CCDC7: variants seen among roughly 807,000 people sequenced by gnomAD.
CCDC7 encodes the protein coiled-coil domain containing 7, also known as coiled-coil domain-containing protein 7.
A neutral mutation model predicts 196.9 loss-of-function variants in CCDC7; 183 were observed. The ratio of observed to expected loss-of-function variants is 0.93; its 90% CI spans 0.82 to 1.05. The LOEUF (loss-of-function observed/expected upper bound fraction) is 1.05. Ranked by LOEUF, CCDC7 falls within the 50% of genes least tolerant of loss-of-function variation. The pLI is 0.00. For synonymous variants in CCDC7, 525 were observed against 484.6 expected (o/e 1.08, Z -1.10); for missense variants, 1,540 against 1,482.2 (o/e 1.04, Z -0.64).
At chr10:32,461,691 ATGTGTGTG>A (rs200853278) in intron 3 of CCDC7, among the ~76,000 whole-genome samples, 5 of 106,458 alleles carry the variant, frequency 4.7e-5, no homozygotes, top group Admixed American at 1.0e-4. Flanking sequence ...CCTTACATAT[ATGTGTGTG>A]TGTGTGTGTG....
chr10:32,675,421 C>T (rs1402492050), intron 21 of CCDC7, among the ~76,000 whole-genome samples: 1 of 151,820 alleles, frequency 6.6e-6, no homozygotes, highest in Non-Finnish European at 1.5e-5. Context: ...TTTATTCCAC[C>T]CCCATTTTAG....
rs895883414 is a variant in CCDC7, at chr10:32,876,315, T to C, written c.4112-32T>C. 3.8e-6 allele frequency: 6 copies of C among 1,572,626 alleles called. No individual in the cohort carries two copies. The African/African-American group carries it at 8.2e-5, about 21-fold the overall frequency. On this transcript the variant is annotated intron_variant, in intron 41 of 41. Transcript: ENST00000639629. ...TATCAACTGGAGTAAAATTAAACTTTTTTTCAATTAACACATAACTTTTCT... is the reference window on the plus strand; with the variant it reads ...TATCAACTGGAGTAAAATTAAACTTCTTTTCAATTAACACATAACTTTTCT...
At chr10:32,869,090 G>A (rs2094325851) in intron 41 of CCDC7, among the ~76,000 whole-genome samples, 1 of 152,104 alleles carries the variant, frequency 6.6e-6, no homozygotes, top group Non-Finnish European at 1.5e-5. Context: ...ACCCAGTAAT[G>A]GGATTGCTGG....
chr10:32,505,437 C>T (rs2135117177), intron 9 of CCDC7, among the ~76,000 whole-genome samples: 1 of 152,052 alleles, frequency 6.6e-6, no homozygotes, highest in East Asian at 1.9e-4. Flanking sequence ...CTTGCACCAC[C>T]CTTAATCCAT....
chr10:32,580,830 T>G (rs78008620), intron 16 of CCDC7, among the ~76,000 whole-genome samples: 6,396 of 150,870 alleles, frequency 0.042, 459 homozygotes, highest in African/African-American at 0.15. Context: ...TTAAGGAAAG[T>G]TCCGGAAAAA....
chr10:32,479,005 A>G (rs889303870), intron 8 of CCDC7, among the ~76,000 whole-genome samples: 6 of 152,046 alleles, frequency 3.9e-5, no homozygotes, highest in East Asian at 1.9e-4. Flanking sequence ...CATAATATCA[A>G]TTTCTCCTTT....
intron 23 of CCDC7, among the ~76,000 whole-genome samples, chr10:32,691,584 G>A (rs932225594): frequency 9.2e-5 from 14 of 152,262 alleles, no homozygotes; most frequent in Middle Eastern, 6.8e-3. Context: ...GCTAGTAAAG[G>A]CTATGAAATG....
chr10:32,698,827 A>G (rs2141435731), intron 24 of CCDC7, among the ~76,000 whole-genome samples: 1 of 152,334 alleles, frequency 6.6e-6, no homozygotes, highest in East Asian at 1.9e-4. Context: ...AGGCAGGCCA[A>G]CATTCAAATT....
chr10:32,851,822 A>G, exon 40 of CCDC7: 1 of 1,610,552 alleles, frequency 6.2e-7, no homozygotes. Context: ...ACTTATGAGT[A>G]CTCTTCACCC....
At chr10:32,460,911 T>A (rs2035490015) in intron 3 of CCDC7, among the ~76,000 whole-genome samples, 1 of 152,204 alleles carries the variant, frequency 6.6e-6, no homozygotes, top group African/African-American at 2.4e-5. Context: ...ATGCTGTTGC[T>A]GTGGCTCCTT....
At chr10:32,695,072 T>C in intron 24 of CCDC7, 80 bp downstream of exon 25, 1 of 629,448 alleles carries the variant, frequency 1.6e-6, no homozygotes, top group East Asian at 3.1e-5. Flanking sequence ...CATGACTATG[T>C]AGTTGAGCAT....
chr10:32,626,918 T>C (rs1294783695), intron 18 of CCDC7, among the ~76,000 whole-genome samples: 4 of 152,056 alleles, frequency 2.6e-5, no homozygotes, highest in Admixed American at 2.6e-4. Flanking sequence ...TGTGTCTACT[T>C]TTTTTGGCAG....
At chr10:32,706,333 A>G (rs773777491) in intron 24 of CCDC7, among the ~76,000 whole-genome samples, 2 of 152,126 alleles carry the variant, frequency 1.3e-5, no homozygotes, top group Non-Finnish European at 2.9e-5. Flanking sequence ...TGTAGAGGGA[A>G]ATTTATAGCA....
At chr10:32,571,804 A>G (rs1264204099) in intron 15 of CCDC7, 55 bp from the exon 17 acceptor site, 1 of 1,455,042 alleles carries the variant, frequency 6.9e-7, no homozygotes. Context: ...AAATGACTGT[A>G]AACATTTCAT....
chr10:32,553,818 CT>C (rs1325340172), intron 13 of CCDC7, among the ~76,000 whole-genome samples: 5 of 152,170 alleles, frequency 3.3e-5, no homozygotes, highest in Admixed American at 3.3e-4. Flanking sequence ...AGAGGTGGCA[CT>C]TTCCAGAGAG....
chr10:32,772,625 A>T (rs1225979862), intron 28 of CCDC7, among the ~76,000 whole-genome samples: 1 of 152,166 alleles, frequency 6.6e-6, no homozygotes, highest in East Asian at 1.9e-4. Flanking sequence ...GAACTTTTTG[A>T]CTGTCGTCTG....
intron 32 of CCDC7, among the ~76,000 whole-genome samples, chr10:32,829,864 C>T (rs933926902): frequency 6.6e-6 from 1 of 151,734 alleles, no homozygotes; most frequent in African/African-American, 2.4e-5. Flanking sequence ...ATCTAATCAG[C>T]TGCCAGTGTG....
At chr10:32,695,129 A>C in intron 24 of CCDC7, 137 bp downstream of exon 25, 1 of 408,356 alleles carries the variant, frequency 2.4e-6, no homozygotes, top group Non-Finnish European at 4.4e-6. Flanking sequence ...ACCTTAAAAT[A>C]ACTAGAGAAC....
chr10:32,746,484 T>C (rs2133317668), intron 28 of CCDC7, among the ~76,000 whole-genome samples: 1 of 152,238 alleles, frequency 6.6e-6, no homozygotes, highest in East Asian at 1.9e-4. Context: ...GCGATGCCCA[T>C]CCCTCAAGGC....
Sources: gnomAD v4.1 joint callset for allele counts (sites outside exome capture counted in the v4.1 genomes callset) on GRCh38, gnomAD v4.1.1 for gene constraint, MANE v1.5 for transcripts, NCBI Gene and HGNC (gene_info 2026-07-23, HGNC 2026-07-21) for gene names.